RAPGEF6: variants seen among roughly 807,000 people sequenced by gnomAD.
The protein encoded by RAPGEF6 is Rap guanine nucleotide exchange factor 6.
Under a neutral mutation model 171.4 loss-of-function variants are expected in RAPGEF6, and 56 were observed. The observed-to-expected ratio is 0.33, with a 90% CI of 0.26 to 0.41. The LOEUF (loss-of-function observed/expected upper bound fraction) is 0.41. Among genes scored for constraint, RAPGEF6 ranks in the 10% least tolerant of loss-of-function variants. RAPGEF6 has a pLI of 1.00. For missense variants in RAPGEF6, 1,674 were observed against 1,921.4 expected, an observed-to-expected ratio of 0.87 and a Z score of 2.41; for synonymous variants, 692 against 650.1, an observed-to-expected ratio of 1.06 and a Z score of -0.98.
chr5:131,463,372 A>T (rs1436937290), intron 18 of RAPGEF6, among the ~76,000 whole-genome samples: 1 of 152,134 alleles, frequency 6.6e-6, no homozygotes, highest in Non-Finnish European at 1.5e-5. Context: ...TGAGGTAAGG[A>T]GTTTGAGACC....
In RAPGEF6 at chr5:131,495,680, G is replaced by A; in HGVS notation, c.1420-20C>T. ...TGTCACCTGTGGAAACATAAAAGAGGCAGCATATGGTTATAAGAGGCATTC... is the reference window on the plus strand; with the variant it reads ...TGTCACCTGTGGAAACATAAAAGAGACAGCATATGGTTATAAGAGGCATTC... On this transcript the variant is annotated intron_variant, in intron 12 of 27. Coordinates refer to ENST00000509018, the MANE Select transcript of RAPGEF6 (RefSeq NM_016340.6). 1.9e-6 allele frequency: 3 copies of A among 1,602,498 alleles called. No individual in the cohort carries two copies. The highest frequency in any genetic ancestry group is 2.3e-5 in the East Asian group (1 of 44,284).
rs770429707 is a variant in RAPGEF6 at position 131,489,623 on chromosome 5, T to A, written c.1763A>T (p.Asn588Ile). ...IMEVNGQNFENITFMKAVEIL... is the reference protein window; with the variant it reads ...IMEVNGQNFEIITFMKAVEIL... ...TTCAACGGCTTTCATAAATGTAATATTCTCAAAGTTTTGTCCATTTACTTC... is the reference window on the plus strand; with the variant it reads ...TTCAACGGCTTTCATAAATGTAATAATCTCAAAGTTTTGTCCATTTACTTC... Residue 588 changes from asparagine to isoleucine, a missense_variant, in exon 15 of 28, where the codon AAT becomes ATT. Around this residue, in one of 3 missense-constraint regions of RAPGEF6, gnomAD observed 1,116 missense variants for 1,321.5 expected, o/e 0.84. Transcript: ENST00000509018. 6.3e-7 allele frequency: 1 copy of A among 1,588,782 alleles called. No individual in the cohort carries two copies. Among genetic ancestry groups the A allele is most frequent in the Admixed American group, 1.7e-5 (1 of 57,316 alleles).
At chr5:131,618,362 G>A (rs1765400396) in intron 1 of RAPGEF6, among the ~76,000 whole-genome samples, 4 of 152,122 alleles carry the variant, frequency 2.6e-5, no homozygotes, top group Admixed American at 2.0e-4. Flanking sequence ...CAGGCATGGT[G>A]GTCCACAACT....
intron 21 of RAPGEF6, among the ~76,000 whole-genome samples, chr5:131,452,477 A>G (rs945916303): frequency 6.6e-6 from 1 of 152,184 alleles, no homozygotes; most frequent in African/African-American, 2.4e-5. Context: ...AAAAAGAAAA[A>G]TGGTTTACAG....
At chr5:131,451,149 A>C (rs1753037693) in intron 21 of RAPGEF6, among the ~76,000 whole-genome samples, 1 of 152,218 alleles carries the variant, frequency 6.6e-6, no homozygotes, top group Non-Finnish European at 1.5e-5. Context: ...TTAAGCAATG[A>C]CATCATTCAT....
chr5:131,431,982 G>A (rs1285510428), intron 25 of RAPGEF6, among the ~76,000 whole-genome samples: 1 of 152,120 alleles, frequency 6.6e-6, no homozygotes, highest in East Asian at 1.9e-4. Flanking sequence ...ACAGTGCCAA[G>A]TAAACAGCAA....
chr5:131,509,793 A>G (rs1405577831), intron 8 of RAPGEF6, among the ~76,000 whole-genome samples: 1 of 152,182 alleles, frequency 6.6e-6, no homozygotes, highest in African/African-American at 2.4e-5. Context: ...GCCTCCTGAT[A>G]GTCATGTCCT....
intron 6 of RAPGEF6, among the ~76,000 whole-genome samples, chr5:131,527,489 T>C (rs944888362): frequency 6.6e-6 from 1 of 152,136 alleles, no homozygotes; most frequent in African/African-American, 2.4e-5. Context: ...GTATAAACAT[T>C]TTGGACAACA....
intron 17 of RAPGEF6, among the ~76,000 whole-genome samples, chr5:131,468,872 A>G (rs1009494515): frequency 2.0e-5 from 3 of 152,246 alleles, no homozygotes; most frequent in African/African-American, 7.2e-5. Context: ...TTCTGCAAAG[A>G]GCCAGATAGT....
At chr5:131,489,733 T>A (rs1756157183) in intron 14 of RAPGEF6, 79 bp from the exon 15 acceptor site, 1 of 691,428 alleles carries the variant, frequency 1.4e-6, no homozygotes, top group Non-Finnish European at 2.3e-6. Flanking sequence ...TAATAGTGAA[T>A]AAATAAAATG....
intron 4 of RAPGEF6, among the ~76,000 whole-genome samples, chr5:131,574,799 T>A (rs1258182145): frequency 1.3e-5 from 2 of 151,982 alleles, no homozygotes; most frequent in Non-Finnish European, 2.9e-5. Context: ...TGGCGACCAA[T>A]CAGGCACCCC....
chr5:131,620,423 T>G (rs1765529500), intron 1 of RAPGEF6, among the ~76,000 whole-genome samples: 1 of 152,224 alleles, frequency 6.6e-6, no homozygotes, highest in South Asian at 2.1e-4. Context: ...TCATTACTGG[T>G]TCCCTAATTT....
chr5:131,489,466 A>G, intron 15 of RAPGEF6, 80 bp downstream of exon 15: 1 of 781,036 alleles, frequency 1.3e-6, no homozygotes, highest in Non-Finnish European at 2.1e-6. Context: ...ATATTTTACT[A>G]TCTTTTCTTC....
chr5:131,542,616 ACTCAGCATAATG>A (rs749626815), intron 6 of RAPGEF6, among the ~76,000 whole-genome samples: 2 of 152,206 alleles, frequency 1.3e-5, no homozygotes, highest in Non-Finnish European at 2.9e-5. Flanking sequence ...TTGTAATTAT[ACTCAGCATAATG>A]AGTGCTTACA....
intron 19 of RAPGEF6, among the ~76,000 whole-genome samples, chr5:131,461,003 T>A (rs993209220): frequency 2.6e-5 from 4 of 152,210 alleles, no homozygotes; most frequent in African/African-American, 9.6e-5. Context: ...AAATTAAACT[T>A]GTTTTAAGAA....
At chr5:131,528,947 T>C (rs1759177362) in intron 6 of RAPGEF6, among the ~76,000 whole-genome samples, 1 of 151,994 alleles carries the variant, frequency 6.6e-6, no homozygotes, top group Non-Finnish European at 1.5e-5. Flanking sequence ...TGTGGATAAA[T>C]CAATCAGTGA....
intron 26 of RAPGEF6, chr5:131,430,573 A>G: frequency 2.0e-6 from 1 of 509,588 alleles, no homozygotes; most frequent in Non-Finnish European, 3.7e-6. Flanking sequence ...ATGCGATGAT[A>G]TTCCTCAATA....
chr5:131,504,517 A>G, intron 11 of RAPGEF6, 109 bp downstream of exon 11: 4 of 1,170,364 alleles, frequency 3.4e-6, no homozygotes, highest in Non-Finnish European at 4.7e-6. Flanking sequence ...GTTAGATGCC[A>G]AAGTGTTAAT....
intron 19 of RAPGEF6, among the ~76,000 whole-genome samples, chr5:131,457,572 T>C (rs1334447089): frequency 6.6e-6 from 1 of 152,226 alleles, no homozygotes; most frequent in Non-Finnish European, 1.5e-5. Flanking sequence ...TGGATCCACT[T>C]ATATGCAGAT....
Sources: gnomAD v4.1 joint callset for allele counts (sites outside exome capture counted in the v4.1 genomes callset) on GRCh38, gnomAD v4.1.1 for gene constraint, gnomAD v4.1.1 regional missense constraint, MANE v1.5 for transcripts, NCBI Gene and HGNC (gene_info 2026-07-23, HGNC 2026-07-21) for gene names.